Variants in FNDC3B observed in about 807,000 individuals in gnomAD.
FNDC3B encodes fibronectin type III domain containing 3B.
A neutral mutation model predicts 151.5 loss-of-function variants in FNDC3B; 12 were observed. That is an observed-to-expected ratio of 0.08 (90% confidence interval 0.05 to 0.13). FNDC3B has a LOEUF of 0.13. Among genes scored for constraint, FNDC3B ranks in the 10% least tolerant of loss-of-function variants. FNDC3B has a pLI of 1.00. For missense variants in FNDC3B, 1,214 were observed against 1,505.3 expected (o/e 0.81, Z 3.20); for synonymous variants, 528 against 549.0 (o/e 0.96, Z 0.54).
chr3:172,326,830 G>GT (rs1481995832), intron 11 of FNDC3B, among the ~76,000 whole-genome samples: 1 of 151,952 alleles, frequency 6.6e-6, no homozygotes, highest in Non-Finnish European at 1.5e-5. Flanking sequence ...ACTGGCTACA[G>GT]TTCTAAGCAC....
At chr3:172,142,995 A>G (rs867278405) in intron 3 of FNDC3B, among the ~76,000 whole-genome samples, 1 of 152,120 alleles carries the variant, frequency 6.6e-6, no homozygotes, top group Admixed American at 6.5e-5. Context: ...CTAATCCCTC[A>G]TGAATGGGGA....
chr3:172,309,340 A>C (rs1162019688), intron 10 of FNDC3B, among the ~76,000 whole-genome samples: 1 of 152,208 alleles, frequency 6.6e-6, no homozygotes, highest in Non-Finnish European at 1.5e-5. Context: ...CTTACACAGG[A>C]GATAAGGCAA....
chr3:172,277,564 G>T (rs1273301086), intron 6 of FNDC3B, among the ~76,000 whole-genome samples: 3 of 152,256 alleles, frequency 2.0e-5, no homozygotes, highest in African/African-American at 4.8e-5. Context: ...CGAATTTTGG[G>T]AGGGCACCAA....
chr3:172,232,021 C>T (rs2108749078), intron 4 of FNDC3B, among the ~76,000 whole-genome samples: 1 of 151,590 alleles, frequency 6.6e-6, no homozygotes, highest in Non-Finnish European at 1.5e-5. Context: ...GGTGGGATTA[C>T]AGGCGCGCAT....
At chr3:172,046,300 C>A (rs1424291242) in intron 1 of FNDC3B, among the ~76,000 whole-genome samples, 1 of 152,098 alleles carries the variant, frequency 6.6e-6, no homozygotes, top group Non-Finnish European at 1.5e-5. Context: ...ACTCACTACT[C>A]AGTGTCAGTT....
At chr3:172,117,694 T>G (rs1451218655) in intron 2 of FNDC3B, among the ~76,000 whole-genome samples, 1 of 152,224 alleles carries the variant, frequency 6.6e-6, no homozygotes, top group Non-Finnish European at 1.5e-5. Context: ...TAAATATGTA[T>G]TCACTGAGGG....
intron 6 of FNDC3B, among the ~76,000 whole-genome samples, chr3:172,267,114 CCT>C (rs1560047895): frequency 6.6e-6 from 1 of 152,138 alleles, no homozygotes; most frequent in Non-Finnish European, 1.5e-5. Flanking sequence ...AGAGCTACCT[CCT>C]CTCTTTAGAG....
intron 1 of FNDC3B, among the ~76,000 whole-genome samples, chr3:172,080,356 G>C (rs1321473737): frequency 1.3e-5 from 2 of 151,986 alleles, no homozygotes; most frequent in African/African-American, 4.8e-5. Context: ...CTGCAACCTT[G>C]AACTCCTGGG....
At chr3:172,375,848 T>A (rs1735106788) in intron 23 of FNDC3B, among the ~76,000 whole-genome samples, 1 of 152,040 alleles carries the variant, frequency 6.6e-6, no homozygotes, top group Non-Finnish European at 1.5e-5. Flanking sequence ...GTTCCCAAGT[T>A]CCTCTCCATG....
chr3:172,383,950 A>G (rs1166062608), intron 25 of FNDC3B, among the ~76,000 whole-genome samples: 1 of 152,198 alleles, frequency 6.6e-6, no homozygotes, highest in African/African-American at 2.4e-5. Context: ...GCGTTCATTT[A>G]TATCAAACAT....
rs751385284 is a variant in FNDC3B at position 172,330,578 on chromosome 3, A to C, written c.1417A>C (p.Asn473His). 1 of 1,614,134 alleles carries C rather than the reference A, an allele frequency of 6.2e-7. No individual in the cohort carries two copies. The highest frequency in any genetic ancestry group is 8.5e-7 in the Non-Finnish European group (1 of 1,179,990). Residue 473 changes from asparagine (N) to histidine (H), a missense_variant, in exon 13 of 26, where the codon AAT (asparagine) becomes CAT (histidine). By Grantham distance (68) the Asn-to-His change is moderately conservative. Coordinates refer to ENST00000415807, the MANE Select transcript of FNDC3B (RefSeq NM_022763.4). Reference protein sequence around the residue: ...SQEVVCYTLGNIPQMPSAPRL... With the variant: ...SQEVVCYTLGHIPQMPSAPRL... Reference sequence around the variant, plus strand: ...AGAGGTGGTGTGCTACACATTAGGAAATATCCCTCAGATGCCTTCTGCACC... The same window carrying C: ...AGAGGTGGTGTGCTACACATTAGGACATATCCCTCAGATGCCTTCTGCACC...
At chr3:172,270,779 T>C (rs371223158) in intron 6 of FNDC3B, among the ~76,000 whole-genome samples, 1 of 152,234 alleles carries the variant, frequency 6.6e-6, no homozygotes, top group South Asian at 2.1e-4. Context: ...CAGACATCTT[T>C]TATAGATAAT....
At chr3:172,044,154 G>C (rs149374151) in intron 1 of FNDC3B, among the ~76,000 whole-genome samples, 1 of 152,278 alleles carries the variant, frequency 6.6e-6, no homozygotes, top group East Asian at 1.9e-4. Flanking sequence ...AGATCTGTCC[G>C]ATGGCAGATG....
intron 7 of FNDC3B, among the ~76,000 whole-genome samples, chr3:172,291,819 A>C (rs187204408): frequency 6.6e-6 from 1 of 152,312 alleles, no homozygotes; most frequent in African/African-American, 2.4e-5. Context: ...GCCGTGCCCT[A>C]GTTAAGCTTG....
chr3:172,391,440 G>A (rs1736002932), intron 25 of FNDC3B, among the ~76,000 whole-genome samples: 1 of 152,156 alleles, frequency 6.6e-6, no homozygotes, highest in Non-Finnish European at 1.5e-5. Context: ...CAAGGACTTA[G>A]ACTGAAATCC....
At chr3:172,385,084 T>C (rs1486845093) in intron 25 of FNDC3B, among the ~76,000 whole-genome samples, 2 of 152,172 alleles carry the variant, frequency 1.3e-5, no homozygotes, top group Non-Finnish European at 2.9e-5. Flanking sequence ...TTTTTTTTTT[T>C]CTGGCTTCTC....
intron 22 of FNDC3B, among the ~76,000 whole-genome samples, chr3:172,353,398 C>T (rs1301730215): frequency 6.6e-6 from 1 of 152,178 alleles, no homozygotes; most frequent in Non-Finnish European, 1.5e-5. Context: ...AATATGTTAG[C>T]CCAAGAATTT....
At chr3:172,271,636 A>G (rs567645131) in intron 6 of FNDC3B, among the ~76,000 whole-genome samples, 73 of 152,288 alleles carry the variant, frequency 4.8e-4, no homozygotes, top group African/African-American at 1.6e-3. Context: ...ACTCATTCCC[A>G]CTTGGCTCTG....
intron 1 of FNDC3B, among the ~76,000 whole-genome samples, chr3:172,092,734 G>A (rs1259164797): frequency 1.3e-5 from 2 of 152,332 alleles, no homozygotes; most frequent in African/African-American, 2.4e-5. Flanking sequence ...GCTCAGCAGC[G>A]GTCTCTTGCT....
Sources: gnomAD v4.1 joint callset for allele counts (sites outside exome capture counted in the v4.1 genomes callset) on GRCh38, gnomAD v4.1.1 for gene constraint, MANE v1.5 for transcripts, NCBI Gene and HGNC (gene_info 2026-07-23, HGNC 2026-07-21) for gene names.